Variants in EFCAB8 observed in about 807,000 individuals in gnomAD.
The protein encoded by EFCAB8 is EF-hand calcium-binding domain-containing protein 8.
In EFCAB8, 100 loss-of-function variants were observed where a neutral mutation model predicts 116.3. The observed-to-expected ratio is 0.86, with a 90% CI of 0.73 to 1.02. EFCAB8 has a LOEUF of 1.02. EFCAB8 is among the 50% of genes least tolerant of loss of function. The pLI, the probability that EFCAB8 is intolerant of heterozygous loss-of-function variation, is 0.00. For synonymous variants in EFCAB8, 558 were observed against 567.9 expected (o/e 0.98, Z 0.25); for missense variants, 1,320 against 1,416.9 (o/e 0.93, Z 1.10).
At chr20:32,877,118 C>T (rs1418761867) in intron 4 of EFCAB8, among the ~76,000 whole-genome samples, 2 of 151,850 alleles carry the variant, frequency 1.3e-5, no homozygotes, top group Non-Finnish European at 2.9e-5. Flanking sequence ...AGAGTCCCTG[C>T]GTTAACTGCC....
chr20:32,954,478 T>C (rs78476151), intron 23 of EFCAB8, among the ~76,000 whole-genome samples: 4,973 of 152,282 alleles, frequency 0.033, 299 homozygotes, highest in African/African-American at 0.11. Flanking sequence ...TTCTATTCCA[T>C]TGGTTTATAT....
intron 9 of EFCAB8, among the ~76,000 whole-genome samples, 175 bp from the exon 10 acceptor site, chr20:32,896,278 TG>T (rs1231784473): frequency 1.3e-5 from 2 of 151,758 alleles, no homozygotes; most frequent in Non-Finnish European, 2.9e-5. Flanking sequence ...TTTCCTGGGG[TG>T]GGGGCACTCC....
chr20:32,888,727 C>T (rs1023716262), intron 6 of EFCAB8, among the ~76,000 whole-genome samples: 6 of 152,060 alleles, frequency 3.9e-5, no homozygotes, highest in African/African-American at 1.4e-4. Context: ...AATCATGTCT[C>T]TTGGCAGCTC....
At chr20:32,906,795 G>T in intron 12 of EFCAB8, 48 bp from the exon 13 acceptor site, 1 of 937,768 alleles carries the variant, frequency 1.1e-6, no homozygotes, top group East Asian at 2.6e-5. Flanking sequence ...AGTGGGTGAA[G>T]GTCCCCAGTG....
chr20:32,904,183 G>T (rs1986563722), intron 11 of EFCAB8, among the ~76,000 whole-genome samples: 1 of 151,656 alleles, frequency 6.6e-6, no homozygotes, highest in Non-Finnish European at 1.5e-5. Context: ...TGTACAGATG[G>T]GATCTTGCTG....
intron 5 of EFCAB8, among the ~76,000 whole-genome samples, chr20:32,879,402 C>T (rs1985195835): frequency 6.6e-6 from 1 of 152,236 alleles, no homozygotes; most frequent in Non-Finnish European, 1.5e-5. Flanking sequence ...CTCGTGGCTC[C>T]TCCACCCGCT....
intron 3 of EFCAB8, among the ~76,000 whole-genome samples, chr20:32,868,823 A>G (rs534226920): frequency 6.6e-6 from 1 of 152,268 alleles, no homozygotes; most frequent in African/African-American, 2.4e-5. Flanking sequence ...CGTCTCTACT[A>G]AAAATACAAA....
chr20:32,900,831 G>A (rs954079685), intron 11 of EFCAB8, among the ~76,000 whole-genome samples: 1 of 152,138 alleles, frequency 6.6e-6, no homozygotes, highest in African/African-American at 2.4e-5. Flanking sequence ...GCCTCCCAAA[G>A]TACTGGGATT....
intron 23 of EFCAB8, among the ~76,000 whole-genome samples, chr20:32,948,536 G>GA (rs1988682992): frequency 9.1e-6 from 1 of 109,540 alleles, no homozygotes; most frequent in Non-Finnish European, 1.9e-5. Flanking sequence ...AAGAAAGAAA[G>GA]AAAGAAAGAA....
At chr20:32,871,728 C>T (rs1044704266) in intron 3 of EFCAB8, among the ~76,000 whole-genome samples, 6 of 152,054 alleles carry the variant, frequency 3.9e-5, no homozygotes, top group East Asian at 3.9e-4. Flanking sequence ...GGCTCCATAC[C>T]GTGTCTTAGG....
chr20:32,878,739 G>T lies in EFCAB8; in HGVS notation c.363G>T (p.Gln121His). 6.4e-7 allele frequency: 1 copy of T among 1,551,950 alleles called. No individual in the cohort carries two copies. The change falls in exon 5 of 27, where the codon CAG (glutamine) becomes CAT (histidine). Residue 121 changes from glutamine to histidine, a missense_variant. Physicochemically the swap from Gln to His is conservative, Grantham distance 24 (BLOSUM62 0). Coordinates refer to ENST00000400522, the MANE Select transcript of EFCAB8 (RefSeq NM_001143967.2). ...KYVDYMMREF[Q>H]GKEDMRKSQY... ...TGGATTACATGATGCGTGAGTTCCA[G>T]GGAAAAGAGGACATGCGAAAGAGCC...
intron 23 of EFCAB8, among the ~76,000 whole-genome samples, chr20:32,947,025 C>T (rs1292842512): frequency 1.3e-5 from 2 of 152,162 alleles, no homozygotes; most frequent in Non-Finnish European, 2.9e-5. Context: ...TTTGTTAATC[C>T]ATTCACCAAT....
In EFCAB8 at chr20:32,960,153, A is replaced by G; in HGVS notation, c.3385A>G (p.Lys1129Glu). Residue 1129 changes from lysine to glutamate, a missense_variant, in exon 26 of 27, where the codon AAG becomes GAG. Lys to Glu is a moderately conservative substitution (Grantham distance 56). Coordinates refer to ENST00000400522, the MANE Select transcript of EFCAB8 (RefSeq NM_001143967.2). ...LSTRVPYGWM[K>E]HQISPQVYQS... is the part of the protein sequence containing the mutation. ...CACCAGGGTGCCATATGGCTGGATG[A>G]AGCATCAGGTAAGGTGGGATGGGGC... The G allele has an allele frequency of 6.4e-7, 1 of 1,551,642 alleles. No homozygotes were observed. The highest frequency in any genetic ancestry group is 1.4e-5 in the African/African-American group (1 of 73,156).
chr20:32,888,950 G>T (rs533767053), intron 6 of EFCAB8, among the ~76,000 whole-genome samples: 18 of 147,984 alleles, frequency 1.2e-4, no homozygotes, highest in South Asian at 1.1e-3. Context: ...AGTTTGGTTG[G>T]TTTTTTTTGT....
chr20:32,961,584 AG>A lies in EFCAB8; in HGVS notation c.3846del (p.Ser1283AlafsTer14). 1 of 1,355,138 alleles carries A rather than the reference AG, an allele frequency of 7.4e-7. No homozygotes were observed. The highest frequency in any genetic ancestry group is 9.5e-7 in the Non-Finnish European group (1 of 1,052,380). 83.9% of individuals were successfully genotyped at this position (1,355,138 alleles called of 1,614,324 possible). A position where few individuals can be genotyped will look rare whatever the true frequency, so the allele number is the denominator to read the frequency against. On this transcript the variant is annotated frameshift_variant, in exon 27 of 27. Coordinates refer to ENST00000400522, the MANE Select transcript of EFCAB8 (RefSeq NM_001143967.2). LOFTEE classifies it low-confidence loss of function (END_TRUNC). ...AAGGCCACCTTCATGTCCTCTGTGAAGGGGAGCTCCCATGTCAGGTTCTGAG... is the reference window on the plus strand; with the variant it reads ...AAGGCCACCTTCATGTCCTCTGTGAAGGGAGCTCCCATGTCAGGTTCTGAG... The part of the protein sequence containing the change: ...PLKATFMSSV[K>X]GSSHVRF
At chr20:32,926,511 C>CT (rs571058861) in intron 20 of EFCAB8, among the ~76,000 whole-genome samples, 2,018 of 103,768 alleles carry the variant, frequency 0.019, 22 homozygotes, top group Middle Eastern at 0.078. Context: ...CCACTTCATT[C>CT]TTTTTTTTTT....
chr20:32,960,988 G>A (rs113758406), intron 26 of EFCAB8, 148 bp from the exon 27 acceptor site: 82 of 690,568 alleles, frequency 1.2e-4, no homozygotes, highest in African/African-American at 9.0e-4. Context: ...GGCCACGGTG[G>A]TTAGTGGTAG....
At chr20:32,917,559 A>C in intron 18 of EFCAB8, 54 bp downstream of exon 18, 1 of 1,464,364 alleles carries the variant, frequency 6.8e-7, no homozygotes, top group Non-Finnish European at 9.3e-7. Flanking sequence ...TGTGAACCAG[A>C]ATCCTGTGGG....
At position 32,904,958 on chromosome 20, in the gene EFCAB8, A is replaced by T. The variant is rs1342624457; in HGVS notation, c.1089-1604A>T. ...GAGTTTTGAAGAGTGTAGTAGAAGG[A>T]GCTGGCGGGGCAGGATGTTGTGGAT... On this transcript the variant is annotated intron_variant, in intron 11 of 26. Coordinates refer to ENST00000400522, the MANE Select transcript of EFCAB8 (RefSeq NM_001143967.2). Among the ~76,000 whole-genome samples, 3 of 152,122 alleles carry T rather than the reference A, an allele frequency of 2.0e-5. No individual in the cohort carries two copies. In the East Asian group the frequency reaches 5.8e-4, roughly 29 times the overall value.
Sources: gnomAD v4.1 joint callset for allele counts (sites outside exome capture counted in the v4.1 genomes callset) on GRCh38, gnomAD v4.1.1 for gene constraint, MANE v1.5 for transcripts, NCBI Gene and HGNC (gene_info 2026-07-23, HGNC 2026-07-21) for gene names.